The following CELF2 variants were observed in gnomAD, a reference collection of about 807,000 sequenced individuals.
CELF2 encodes CUGBP Elav-like family member 2.
A neutral mutation model predicts 62.6 loss-of-function variants in CELF2; 8 were observed. The ratio of observed to expected loss-of-function variants is 0.13; its 90% CI spans 0.07 to 0.23. The LOEUF (loss-of-function observed/expected upper bound fraction) is 0.23, where lower values mean the gene tolerates loss of function less well. Among genes scored for constraint, CELF2 ranks in the 10% least tolerant of loss-of-function variants. CELF2 has a pLI of 1.00. For synonymous variants in CELF2, 258 were observed against 250.0 expected (o/e 1.03, Z -0.30); for missense variants, 333 against 671.0 (o/e 0.50, Z 5.56).
intron 10 of CELF2, chr10:11,320,868 A>G: frequency 6.5e-7 from 1 of 1,545,240 alleles, no homozygotes; most frequent in Middle Eastern, 1.7e-4. Flanking sequence ...TCCCAGAAGC[A>G]AAAGGCTTTT....
chr10:11,174,975 G>T (rs191417391), intron 2 of CELF2, among the ~76,000 whole-genome samples: 4 of 152,248 alleles, frequency 2.6e-5, no homozygotes, highest in Admixed American at 2.6e-4. Context: ...CTGTGTAGGG[G>T]ATGCCTTAGT....
chr10:10,690,024 A>G, the CELF2 span, among the ~76,000 whole-genome samples: 2 of 152,212 alleles, frequency 1.3e-5, no homozygotes, highest in African/African-American at 4.8e-5. Context: ...ACTGATGACC[A>G]TCTCTGTGGA....
intron 2 of CELF2, among the ~76,000 whole-genome samples, chr10:10,952,721 G>A (rs939599110): frequency 6.6e-6 from 1 of 151,766 alleles, no homozygotes; most frequent in Non-Finnish European, 1.5e-5. Flanking sequence ...TTAAGGAGCT[G>A]CTTTAAGTTT....
chr10:10,886,752 C>A (rs1201833746), intron 1 of CELF2, among the ~76,000 whole-genome samples: 2 of 152,190 alleles, frequency 1.3e-5, no homozygotes, highest in African/African-American at 4.8e-5. Flanking sequence ...GAGAGGATTT[C>A]TTGAGCCTAG....
Position 10,992,710 on chromosome 10 carries a change from T to A in CELF2, c.89+72711T>A, listed in dbSNP as rs558962678. Among the ~76,000 whole-genome samples, 64 of 152,332 alleles carry A rather than the reference T, an allele frequency of 4.2e-4. 1 individual carries two copies. The highest frequency in any genetic ancestry group is 1.4e-3 in the African/African-American group (60 of 41,578). ...GATGATGGATATATAGGTAGGTAGA[T>A]GATCCAATAGTTAAATAGAAAGGTA... On this transcript the variant is annotated intron_variant, in intron 2 of 13. Coordinates refer to the CELF2 transcript ENST00000636488.
intron 1 of CELF2, among the ~76,000 whole-genome samples, chr10:11,025,229 G>GTATA (rs1197369642): frequency 1.0e-4 from 5 of 48,978 alleles, no homozygotes; most frequent in Admixed American, 3.2e-4. Context: ...GTGTGTGTGT[G>GTATA]TGTGTGTGTG....
At chr10:10,992,198 G>T (rs1004974615) in intron 2 of CELF2, among the ~76,000 whole-genome samples, 4 of 152,190 alleles carry the variant, frequency 2.6e-5, no homozygotes, top group African/African-American at 9.7e-5. Context: ...TGAATCTACA[G>T]ATCAACAATG....
At chr10:10,812,334 A>T (rs1209890930) in intron 1 of CELF2, among the ~76,000 whole-genome samples, 1 of 152,140 alleles carries the variant, frequency 6.6e-6, no homozygotes, top group African/African-American at 2.4e-5. Flanking sequence ...AACTGCCCCC[A>T]TGATTCAATT....
intron 2 of CELF2, among the ~76,000 whole-genome samples, chr10:11,195,502 T>C (rs796361425): frequency 8.5e-5 from 13 of 152,350 alleles, no homozygotes; most frequent in African/African-American, 3.1e-4. Context: ...CGGATGGCAG[T>C]GCTTCTTGTA....
In CELF2 at chr10:11,065,941, C is replaced by T. The variant is rs192247544; in HGVS notation, c.74+47778C>T. ...AGGAAGCCACTGAGGGATTAGGCCA[C>T]GTGCTTATGCAGGGTAGAGTAGTCC... is the stretch of plus-strand genomic sequence containing the variant. On this transcript the variant is annotated intron_variant, in intron 1 of 12. Coordinates refer to ENST00000633077, the MANE Select transcript of CELF2 (RefSeq NM_001326342.2). Among the ~76,000 whole-genome samples the T allele has an allele frequency of 3.3e-3, 506 of 152,234 alleles. 2 individuals carry two copies. The highest frequency in any genetic ancestry group is 0.012 in the Admixed American group (181 of 15,294).
At chr10:10,903,783 T>A (rs1298450427) in intron 1 of CELF2, among the ~76,000 whole-genome samples, 2 of 152,184 alleles carry the variant, frequency 1.3e-5, no homozygotes, top group Admixed American at 1.3e-4. Flanking sequence ...TGCTTGGGGA[T>A]GATGCAGAGC....
chr10:11,197,199 TC>T (rs2058188887), intron 2 of CELF2, among the ~76,000 whole-genome samples: 1 of 151,914 alleles, frequency 6.6e-6, no homozygotes, highest in African/African-American at 2.4e-5. Context: ...AAAAGAAATC[TC>T]TGGTTGAACG....
intron 1 of CELF2, among the ~76,000 whole-genome samples, chr10:10,864,411 T>C (rs1276737735): frequency 6.6e-6 from 1 of 152,202 alleles, no homozygotes; most frequent in East Asian, 1.9e-4. Context: ...GCACAGACTA[T>C]GTACTAATCA....
At chr10:11,166,593 C>A (rs1030847218) in intron 2 of CELF2, among the ~76,000 whole-genome samples, 1 of 152,162 alleles carries the variant, frequency 6.6e-6, no homozygotes, top group Non-Finnish European at 1.5e-5. Flanking sequence ...CTCTCAGTCT[C>A]TCTACTGAGG....
chr10:10,889,512 C>T (rs925957491), intron 1 of CELF2, among the ~76,000 whole-genome samples: 1 of 152,226 alleles, frequency 6.6e-6, no homozygotes, highest in Non-Finnish European at 1.5e-5. Context: ...TGCATATACT[C>T]TATCAGAACT....
intron 1 of CELF2, among the ~76,000 whole-genome samples, chr10:11,083,087 C>T (rs966049622): frequency 6.6e-6 from 1 of 152,230 alleles, no homozygotes; most frequent in African/African-American, 2.4e-5. Context: ...CATCCCAGGA[C>T]ACAGTGCATC....
intron 1 of CELF2, among the ~76,000 whole-genome samples, chr10:10,880,369 T>C (rs1299031444): frequency 6.6e-5 from 10 of 152,146 alleles, no homozygotes; most frequent in Admixed American, 5.9e-4. Context: ...AAATGTACCA[T>C]GATTTGGAGG....
chr10:10,979,909 TAAG>T (rs1287603912), intron 2 of CELF2, among the ~76,000 whole-genome samples: 3 of 152,218 alleles, frequency 2.0e-5, no homozygotes, highest in Admixed American at 6.5e-5. Context: ...TCCTTTTTGA[TAAG>T]AAGAGATTCT....
In CELF2 at chr10:11,296,124, G is replaced by A. The variant is rs75630043; in HGVS notation, c.976+7572G>A. ...CTCCTTGGCGGGTGCCTTCATCCCC[G>A]GGATGGACAGATCCTCGCGTGCATC... On this transcript the variant is annotated intron_variant, in intron 9 of 12. Transcript: ENST00000633077. The surrounding 1 kb of genome is among the most constrained non-coding windows in gnomAD (Gnocchi z 5.0). Among the ~76,000 whole-genome samples the A allele has an allele frequency of 0.016, 2,489 of 152,262 alleles. 67 individuals carry two copies. Among genetic ancestry groups the A allele is most frequent in the African/African-American group, 0.056 (2,304 of 41,512 alleles).
Sources: allele counts gnomAD v4.1 joint callset (sites outside exome capture counted in the v4.1 genomes callset), GRCh38; gene constraint gnomAD v4.1.1; non-coding constraint Gnocchi (gnomAD v3.1); transcripts MANE v1.5; gene names NCBI Gene and HGNC (gene_info 2026-07-23, HGNC 2026-07-21).